Variants in ANKRD45 observed in about 807,000 individuals in gnomAD.
ANKRD45 encodes ankyrin repeat domain 45.
In ANKRD45, 21 loss-of-function variants were observed where a neutral mutation model predicts 28.1. That is an observed-to-expected ratio of 0.75 (90% confidence interval 0.53 to 1.08). ANKRD45 has a LOEUF of 1.08. Among genes scored for constraint, ANKRD45 ranks in the 50% least tolerant of loss-of-function variants. The pLI is 0.00. For missense variants in ANKRD45, 261 were observed against 308.7 expected (o/e 0.85, Z 1.16); for synonymous variants, 86 against 103.9 (o/e 0.83, Z 1.05).
In ANKRD45 at chr1:173,608,379, G is replaced by A. The variant is rs997042175; in HGVS notation, c.*1766C>T. ...GTCACCCAGGCTGGAATGCAGTGGTGCGATCTCGGCTCACTGCAACCTCCA... is the reference window on the plus strand; with the variant it reads ...GTCACCCAGGCTGGAATGCAGTGGTACGATCTCGGCTCACTGCAACCTCCA... On this transcript the variant is annotated 3_prime_UTR_variant, in exon 6 of 6. Coordinates refer to ENST00000333279, the MANE Select transcript of ANKRD45 (RefSeq NM_198493.3). Among the ~76,000 whole-genome samples, 1 of 152,112 alleles carries A rather than the reference G, an allele frequency of 6.6e-6. No individual in the cohort carries two copies. The highest frequency in any genetic ancestry group is 2.4e-5 in the African/African-American group (1 of 41,422).
At chr1:173,638,901 A>G (rs529316151) in intron 3 of ANKRD45, among the ~76,000 whole-genome samples, 3 of 152,322 alleles carry the variant, frequency 2.0e-5, no homozygotes, top group African/African-American at 7.2e-5. Flanking sequence ...GTCAGGCCAG[A>G]TCTAGGAGAG....
At chr1:173,685,867 C>T in the ANKRD45 span, among the ~76,000 whole-genome samples, 1 of 152,100 alleles carries the variant, frequency 6.6e-6, no homozygotes, top group South Asian at 2.1e-4. Flanking sequence ...CAGATAATGA[C>T]CTGTATAGAA....
the ANKRD45 span, among the ~76,000 whole-genome samples, chr1:173,707,591 C>T: frequency 6.6e-6 from 1 of 152,206 alleles, no homozygotes; most frequent in East Asian, 1.9e-4. Flanking sequence ...CCTTGGCCTT[C>T]CAAAGTGCTG....
the ANKRD45 span, among the ~76,000 whole-genome samples, chr1:173,696,267 G>C: frequency 2.0e-5 from 3 of 152,066 alleles, no homozygotes; most frequent in African/African-American, 4.8e-5. Flanking sequence ...TGAAATATTG[G>C]GGGTGGTTCC....
chr1:173,686,375 G>A, the ANKRD45 span, among the ~76,000 whole-genome samples: 2 of 152,102 alleles, frequency 1.3e-5, no homozygotes, highest in Non-Finnish European at 2.9e-5. Flanking sequence ...TATGGCCCAC[G>A]ACTCTAGAGG....
At chr1:173,669,393 T>G (rs1670163799) in intron 1 of ANKRD45, 1 of 432,680 alleles carries the variant, frequency 2.3e-6, no homozygotes. Context: ...ACTGATTTTT[T>G]TCTTCAAAAA....
the ANKRD45 span, among the ~76,000 whole-genome samples, chr1:173,710,271 A>G: frequency 2.6e-5 from 4 of 152,226 alleles, no homozygotes; most frequent in Non-Finnish European, 4.4e-5. Flanking sequence ...GGTCTGCAGC[A>G]GCCTCAATTC....
At chr1:173,702,484 C>A in the ANKRD45 span, among the ~76,000 whole-genome samples, 6 of 152,184 alleles carry the variant, frequency 3.9e-5, no homozygotes, top group African/African-American at 1.4e-4. Flanking sequence ...GGGCTAAAGG[C>A]AGAGCCTTGG....
the ANKRD45 span, among the ~76,000 whole-genome samples, chr1:173,681,228 T>C: frequency 6.6e-6 from 1 of 152,174 alleles, no homozygotes; most frequent in Non-Finnish European, 1.5e-5. Context: ...CTTAAGAAAA[T>C]TTTACTGTTC....
At chr1:173,661,139 C>T (rs1669755313) in intron 1 of ANKRD45, among the ~76,000 whole-genome samples, 1 of 151,390 alleles carries the variant, frequency 6.6e-6, no homozygotes, top group Non-Finnish European at 1.5e-5. Flanking sequence ...TAACACTACA[C>T]AGAAAAAAAA....
intron 3 of ANKRD45, among the ~76,000 whole-genome samples, chr1:173,638,248 G>A (rs796442255): frequency 4.6e-5 from 7 of 152,128 alleles, no homozygotes; most frequent in Admixed American, 3.3e-4. Context: ...TCTGGTGTGA[G>A]AGATTGAGCC....
intron 5 of ANKRD45, among the ~76,000 whole-genome samples, chr1:173,623,018 A>G (rs1394494735): frequency 1.3e-5 from 2 of 149,828 alleles, no homozygotes; most frequent in Non-Finnish European, 3.0e-5. Context: ...TCAAAAGAAG[A>G]CATTCAAAAA....
chr1:173,619,858 A>AGG (rs1486963549), intron 5 of ANKRD45, among the ~76,000 whole-genome samples: 3 of 152,070 alleles, frequency 2.0e-5, no homozygotes, highest in Non-Finnish European at 4.4e-5. Flanking sequence ...GAAGCAAAGA[A>AGG]GGGCATTACA....
intron 5 of ANKRD45, 21 bp downstream of exon 5, chr1:173,624,766 C>T (rs368766277): frequency 1.8e-4 from 290 of 1,598,456 alleles, no homozygotes; most frequent in Non-Finnish European, 2.4e-4. Flanking sequence ...ACATTCAAAC[C>T]ACCTTTTATC....
chr1:173,612,049 G>C (rs938862881), intron 5 of ANKRD45, among the ~76,000 whole-genome samples: 39 of 152,144 alleles, frequency 2.6e-4, no homozygotes, highest in Admixed American at 2.1e-3. Context: ...TTTGAGACCA[G>C]CCTGGGCAAT....
the ANKRD45 span, among the ~76,000 whole-genome samples, chr1:173,678,535 A>C: frequency 6.6e-6 from 1 of 152,220 alleles, no homozygotes; most frequent in East Asian, 1.9e-4. Flanking sequence ...AAAAACTCTC[A>C]ATAAACTAGG....
chr1:173,651,379 G>A (rs950409355), intron 2 of ANKRD45, among the ~76,000 whole-genome samples: 1 of 152,082 alleles, frequency 6.6e-6, no homozygotes, highest in African/African-American at 2.4e-5. Context: ...TTTTTGTCGG[G>A]TTTGTCAAAG....
chr1:173,699,701 C>G, the ANKRD45 span, among the ~76,000 whole-genome samples: 1 of 152,140 alleles, frequency 6.6e-6, no homozygotes, highest in Non-Finnish European at 1.5e-5. Flanking sequence ...ATGACAAACG[C>G]ACAGCCAATA....
intron 1 of ANKRD45, among the ~76,000 whole-genome samples, chr1:173,666,451 C>A (rs1010092021): frequency 6.6e-6 from 1 of 152,134 alleles, no homozygotes; most frequent in African/African-American, 2.4e-5. Flanking sequence ...CATGGATGTT[C>A]AAGTGCCTTA....
Sources: gnomAD v4.1 joint callset for allele counts (sites outside exome capture counted in the v4.1 genomes callset) on GRCh38, gnomAD v4.1.1 for gene constraint, MANE v1.5 for transcripts, NCBI Gene and HGNC (gene_info 2026-07-23, HGNC 2026-07-21) for gene names.